The following PACSIN3 variants were observed in gnomAD, a reference collection of about 807,000 sequenced individuals.
The protein encoded by PACSIN3 is protein kinase C and casein kinase substrate in neurons 3, also known as protein kinase C and casein kinase substrate in neurons protein 3.
Under a neutral mutation model 56.1 loss-of-function variants are expected in PACSIN3, and 34 were observed. The ratio of observed to expected loss-of-function variants is 0.61; its 90% CI spans 0.46 to 0.81. PACSIN3 has a LOEUF of 0.81. Among genes scored for constraint, PACSIN3 ranks in the 30% least tolerant of loss-of-function variants. The pLI is 0.00. For missense variants in PACSIN3, 535 were observed against 592.4 expected, an observed-to-expected ratio of 0.90 and a Z score of 1.01; for synonymous variants, 218 against 229.8, an observed-to-expected ratio of 0.95 and a Z score of 0.46.
rs1432989919 is a variant in PACSIN3, at chr11:47,180,354, G to C, written c.448-13C>G. 6.2e-7 allele frequency: 1 copy of C among 1,601,438 alleles called. No homozygotes were observed. Among genetic ancestry groups the C allele is most frequent in the Non-Finnish European group, 8.5e-7 (1 of 1,179,962 alleles). ...TGGAAGCCTCAACCTGGCATGCATGGAGACCACTCTGGACCCTGGATGCCA... is the reference window on the plus strand; with the variant it reads ...TGGAAGCCTCAACCTGGCATGCATGCAGACCACTCTGGACCCTGGATGCCA... On this transcript the variant is annotated splice_polypyrimidine_tract_variant and intron_variant, in intron 5 of 10. Transcript: ENST00000298838.
rs930128816 is a variant in PACSIN3 at position 47,183,683 on chromosome 11, C to T, written c.-103-614G>A. On this transcript the variant is annotated intron_variant, in intron 1 of 10. Coordinates refer to ENST00000298838, the MANE Select transcript of PACSIN3 (RefSeq NM_016223.5). ...CCGGGCCTGCCCTCCAAAGGCCTGGCGTCCAGGGCAGCATGGGGAAGTGAG... is the reference window on the plus strand; with the variant it reads ...CCGGGCCTGCCCTCCAAAGGCCTGGTGTCCAGGGCAGCATGGGGAAGTGAG... Among the ~76,000 whole-genome samples the T allele has an allele frequency of 4.6e-5, 7 of 152,216 alleles. No homozygotes were observed. In the East Asian group the frequency reaches 5.8e-4, roughly 13 times the overall value.
Position 47,179,944 on chromosome 11 carries a change from G to C in PACSIN3, c.603+242C>G, listed in dbSNP as rs910712491. ...ACTTCGGGCAAAGGGTACTGTGCAA[G>C]GAAAAGAGCTGGAAGTTCTCAACTG... is the stretch of plus-strand genomic sequence containing the variant. On this transcript the variant is annotated intron_variant, in intron 6 of 10. Coordinates refer to ENST00000298838, the MANE Select transcript of PACSIN3 (RefSeq NM_016223.5). The surrounding 1 kb of genome is among the most constrained non-coding windows in gnomAD (Gnocchi z 4.4). Among the ~76,000 whole-genome samples, 8 of 152,216 alleles carry C rather than the reference G, an allele frequency of 5.3e-5. No homozygotes were observed. Among genetic ancestry groups the C allele is most frequent in the African/African-American group, 1.9e-4 (8 of 41,458 alleles).
chr11:47,184,423 G>A (rs991675467), intron 1 of PACSIN3: 1 of 152,252 alleles, frequency 6.6e-6, no homozygotes, highest in African/African-American at 2.4e-5. Context: ...CCATGGAGTT[G>A]TGGCTGACAG....
In PACSIN3 at chr11:47,178,859, T is replaced by A. The variant is rs1414447117; in HGVS notation, c.1037+35A>T. ...AGGAAAGGAGGGCGGGAGGCAGAGC[T>A]GTTTCTTTGCCACAGCCGCGCTCCT... On this transcript the variant is annotated intron_variant, in intron 9 of 10. Transcript: ENST00000298838. This position sits in a 1 kb window ranked among gnomAD's most constrained non-coding sequence, Gnocchi z 4.2. 6.2e-7 allele frequency: 1 copy of A among 1,611,926 alleles called. No individual in the cohort carries two copies. The highest frequency in any genetic ancestry group is 1.7e-5 in the Admixed American group (1 of 59,964).
Position 47,179,054 on chromosome 11 carries a change from AG to A in PACSIN3, c.901-25del. 6.2e-7 allele frequency: 1 copy of A among 1,614,108 alleles called. No individual in the cohort carries two copies. The highest frequency in any genetic ancestry group is 8.5e-7 in the Non-Finnish European group (1 of 1,180,012). On this transcript the variant is annotated intron_variant, in intron 8 of 10. Transcript: ENST00000298838. This position sits in a 1 kb window ranked among gnomAD's most constrained non-coding sequence, Gnocchi z 4.4. Reference sequence around the variant, plus strand: ...TCCTGTGGGGACAGTGCTTATAGTCAGGTGGGGCCATCTGAACCACCTTCAC... The same window carrying A: ...TCCTGTGGGGACAGTGCTTATAGTCAGTGGGGCCATCTGAACCACCTTCAC...
chr11:47,182,327 C>T (rs1213638303), intron 4 of PACSIN3, 76 bp downstream of exon 4: 26 of 1,449,946 alleles, frequency 1.8e-5, no homozygotes, highest in East Asian at 2.3e-5. Flanking sequence ...AAACTTCCCA[C>T]GAGACGTGCA....
At position 47,178,095 on chromosome 11, in the gene PACSIN3, G is replaced by A. The variant is rs1484360279; in HGVS notation, c.1160-49C>T. ...TGCCAGTGGCCCTGGCCCAGGCCCT[G>A]TTCCTGCAACTGGGTCAAGGACTGA... is the stretch of plus-strand genomic sequence containing the variant. On this transcript the variant is annotated intron_variant, in intron 10 of 10. Transcript: ENST00000298838. This position sits in a 1 kb window ranked among gnomAD's most constrained non-coding sequence, Gnocchi z 4.2. 2.6e-6 allele frequency: 4 copies of A among 1,516,092 alleles called. No individual in the cohort carries two copies. The South Asian group carries it at 4.6e-5, about 17-fold the overall frequency. 93.9% of individuals were successfully genotyped at this position (1,516,092 alleles called of 1,614,324 possible). A position where few individuals can be genotyped will look rare whatever the true frequency, so the allele number is the denominator to read the frequency against.
rs918317893 is a variant in PACSIN3 at position 47,178,786 on chromosome 11, C to T, written c.1037+108G>A. On this transcript the variant is annotated intron_variant, in intron 9 of 10. Transcript: ENST00000298838. This position sits in a 1 kb window ranked among gnomAD's most constrained non-coding sequence, Gnocchi z 4.2. ...TAAGTAGGCCCTCAGGTCCCTGGCA[C>T]CAATTTTCAACCCATTTCAGGTGTG... 3.7e-6 allele frequency: 5 copies of T among 1,338,274 alleles called. No homozygotes were observed. Among genetic ancestry groups the T allele is most frequent in the African/African-American group, 1.5e-5 (1 of 68,926 alleles). 82.9% of individuals were successfully genotyped at this position (1,338,274 alleles called of 1,614,324 possible). A position where few individuals can be genotyped will look rare whatever the true frequency, so the allele number is the denominator to read the frequency against.
chr11:47,180,771 G>A (rs1402178926), intron 4 of PACSIN3, 81 bp from the exon 5 acceptor site: 4 of 1,101,318 alleles, frequency 3.6e-6, no homozygotes, highest in Non-Finnish European at 3.9e-6. Flanking sequence ...TGTGAGGCAT[G>A]GAGGCATGGG....
intron 4 of PACSIN3, among the ~76,000 whole-genome samples, chr11:47,181,986 T>G (rs1830645051): frequency 6.6e-6 from 1 of 151,830 alleles, no homozygotes. Context: ...AACCCCGTCT[T>G]TACTAAAAAT....
At chr11:47,180,158 G>A (rs981146212) in intron 6 of PACSIN3, 28 bp downstream of exon 6, 8 of 1,592,572 alleles carry the variant, frequency 5.0e-6, no homozygotes, top group South Asian at 4.4e-5. Context: ...CCTGGGCGGG[G>A]GCCAGGGCTG....
Position 47,179,535 on chromosome 11 carries a change from G to A in PACSIN3, c.655C>T (p.Arg219Cys), listed in dbSNP as rs530734643. ...TLAELHRYTP[R>C]YMEDMEQAFE... ...GCCTGTTCCATGTCCTCCATGTAGC[G>A]TGGAGTGTAGCGATGCAGCTCTGCC... is the stretch of plus-strand genomic sequence containing the variant. The change falls in exon 7 of 11, where the codon CGC becomes TGC. Residue 219 changes from arginine (R) to cysteine (C), a missense_variant. Arg to Cys is a radical substitution (Grantham distance 180, BLOSUM62 -3). Transcript: ENST00000298838. This position sits in a 1 kb window ranked among gnomAD's most constrained non-coding sequence, Gnocchi z 4.4. 1.5e-5 allele frequency: 24 copies of A among 1,613,732 alleles called. No individual in the cohort carries two copies. The highest frequency in any genetic ancestry group is 5.0e-5 in the Admixed American group (3 of 60,002).
At chr11:47,181,131 G>A (rs113954134) in intron 4 of PACSIN3, among the ~76,000 whole-genome samples, 3,457 of 151,908 alleles carry the variant, frequency 0.023, 51 homozygotes, top group Non-Finnish European at 0.034. Context: ...GCATGGTGGC[G>A]GGCGCCTGTA....
chr11:47,177,821 A>G lies in PACSIN3; in HGVS notation c.*110T>C, dbSNP rs1038060801. 5 of 826,790 alleles carry G rather than the reference A, an allele frequency of 6.0e-6. No homozygotes were observed. Among genetic ancestry groups the G allele is most frequent in the Non-Finnish European group, 1.0e-5 (5 of 488,370 alleles). 51.2% of individuals were successfully genotyped at this position (826,790 alleles called of 1,614,324 possible). A position where few individuals can be genotyped will look rare whatever the true frequency, so the allele number is the denominator to read the frequency against. ...CCCAGGACTTCCTCCCTCAAGGGAC[A>G]GAGGAGCAGCCAGAGAGCGACGGTT... On this transcript the variant is annotated 3_prime_UTR_variant, in exon 11 of 11. Transcript: ENST00000298838.
At position 47,178,162 on chromosome 11, in the gene PACSIN3, G is replaced by T. The variant is rs1590969663; in HGVS notation, c.1160-116C>A. 8.4e-7 allele frequency: 1 copy of T among 1,186,326 alleles called. No homozygotes were observed. The highest frequency in any genetic ancestry group is 1.2e-6 in the Non-Finnish European group (1 of 825,874). 73.5% of individuals were successfully genotyped at this position (1,186,326 alleles called of 1,614,324 possible). A position where few individuals can be genotyped will look rare whatever the true frequency, so the allele number is the denominator to read the frequency against. On this transcript the variant is annotated intron_variant, in intron 10 of 10. Coordinates refer to ENST00000298838, the MANE Select transcript of PACSIN3 (RefSeq NM_016223.5). This position sits in a 1 kb window ranked among gnomAD's most constrained non-coding sequence, Gnocchi z 4.2. ...CCAGAGCCCAGCTAGCAAAGACATGGCTCAGGCAGAGGCAGGTCAAGGTCA... is the reference window on the plus strand; with the variant it reads ...CCAGAGCCCAGCTAGCAAAGACATGTCTCAGGCAGAGGCAGGTCAAGGTCA...
In PACSIN3 at chr11:47,178,280, G is replaced by A; in HGVS notation, c.1159+86C>T. On this transcript the variant is annotated intron_variant, in intron 10 of 10. Transcript: ENST00000298838. This position sits in a 1 kb window ranked among gnomAD's most constrained non-coding sequence, Gnocchi z 4.2. Reference sequence around the variant, plus strand: ...GAAGGGACAGAGGACTGGCCCTTAAGAAGTGGGTATTTGGCTTCCCTTTCT... The same window carrying A: ...GAAGGGACAGAGGACTGGCCCTTAAAAAGTGGGTATTTGGCTTCCCTTTCT... The A allele has an allele frequency of 9.1e-6, 14 of 1,534,080 alleles. No homozygotes were observed.
At chr11:47,181,205 T>A (rs1230447566) in intron 4 of PACSIN3, among the ~76,000 whole-genome samples, 1 of 151,650 alleles carries the variant, frequency 6.6e-6, no homozygotes, top group East Asian at 1.9e-4. Context: ...GAGACTGCAG[T>A]GAGCTGAGAT....
Position 47,180,522 on chromosome 11 carries a change from C to A in PACSIN3, c.380G>T (p.Arg127Leu), listed in dbSNP as rs762125141. The A allele has an allele frequency of 1.2e-6, 2 of 1,603,642 alleles. No homozygotes were observed. The highest frequency in any genetic ancestry group is 1.1e-5 in the South Asian group (1 of 91,000). ...AFHRPVLGGF[R>L]ESRAAEDGFR... is the part of the protein sequence containing the mutation. Reference sequence around the variant, plus strand: ...GCCGTCCTCGGCCGCCCGGCTCTCGCGGAAGCCGCCCAGCACAGGCCGGTG... The same window carrying A: ...GCCGTCCTCGGCCGCCCGGCTCTCGAGGAAGCCGCCCAGCACAGGCCGGTG... Residue 127 changes from arginine to leucine, a missense_variant, in exon 5 of 11, where the codon CGC becomes CTC. Arg to Leu is a moderately radical substitution (Grantham distance 102, BLOSUM62 -2). Coordinates refer to ENST00000298838, the MANE Select transcript of PACSIN3 (RefSeq NM_016223.5).
Position 47,177,961 on chromosome 11 carries a change from A to C in PACSIN3, c.1245T>G (p.Pro415=). Residue 415 remains proline (P), a synonymous_variant, in exon 11 of 11, where the codon CCT becomes CCG. Coordinates refer to ENST00000298838, the MANE Select transcript of PACSIN3 (RefSeq NM_016223.5). The part of the protein sequence containing the change: ...QLQSGRIGLY[P]ANYVECVGA Reference sequence around the variant, plus strand: ...CGCCCACACACTCCACGTAGTTGGCAGGGTACAGGCCAATGCGGCCACTCT... The same window carrying C: ...CGCCCACACACTCCACGTAGTTGGCCGGGTACAGGCCAATGCGGCCACTCT... 3 of 1,614,042 alleles carry C rather than the reference A, an allele frequency of 1.9e-6. No individual in the cohort carries two copies. The highest frequency in any genetic ancestry group is 1.3e-5 in the African/African-American group (1 of 75,062).
Sources: gnomAD v4.1 joint callset for allele counts (sites outside exome capture counted in the v4.1 genomes callset) on GRCh38, gnomAD v4.1.1 for gene constraint, Gnocchi (gnomAD v3.1) non-coding constraint, MANE v1.5 for transcripts, NCBI Gene and HGNC (gene_info 2026-07-23, HGNC 2026-07-21) for gene names.